The following CLASP1 variants were observed in gnomAD, a reference collection of about 807,000 sequenced individuals.
CLASP1 encodes cytoplasmic linker associated protein 1, also known as CLIP-associating protein 1.
CLASP1 carries 38 observed loss-of-function variants against 192.3 expected under a neutral mutation model. The ratio of observed to expected loss-of-function variants is 0.20; its 90% CI spans 0.15 to 0.26. CLASP1 has a LOEUF of 0.26. CLASP1 is among the 10% of genes least tolerant of loss of function. The pLI, the probability that CLASP1 is intolerant of heterozygous loss-of-function variation, is 1.00. For missense variants in CLASP1, 1,433 were observed against 1,932.5 expected, an observed-to-expected ratio of 0.74 and a Z score of 4.85; for synonymous variants, 691 against 712.8, an observed-to-expected ratio of 0.97 and a Z score of 0.49.
chr2:121,616,530 G>A (rs1409239123), intron 1 of CLASP1, among the ~76,000 whole-genome samples: 1 of 152,190 alleles, frequency 6.6e-6, no homozygotes, highest in Non-Finnish European at 1.5e-5. Flanking sequence ...GCCAGTTCTG[G>A]AAGAAGGTAT....
chr2:121,586,424 G>GC (rs1466005149), intron 2 of CLASP1, among the ~76,000 whole-genome samples: 1 of 152,052 alleles, frequency 6.6e-6, no homozygotes, highest in Non-Finnish European at 1.5e-5. Context: ...ACTGCACCTA[G>GC]CCCCTGTTCT....
chr2:121,505,792 T>A (rs1251208805), intron 7 of CLASP1, among the ~76,000 whole-genome samples: 1 of 152,174 alleles, frequency 6.6e-6, no homozygotes, highest in South Asian at 2.1e-4. Context: ...CATATTAAAC[T>A]CTTCAATCCA....
chr2:121,647,540 A>C (rs780567002), intron 1 of CLASP1, among the ~76,000 whole-genome samples: 1 of 152,134 alleles, frequency 6.6e-6, no homozygotes, highest in Non-Finnish European at 1.5e-5. Context: ...TCTGAACTAC[A>C]CTTAAAGAGA....
intron 24 of CLASP1, 136 bp from the exon 26 acceptor site, chr2:121,407,851 C>T (rs372156288): frequency 1.9e-6 from 2 of 1,038,368 alleles, no homozygotes; most frequent in South Asian, 1.3e-5. Context: ...TTTTCCTGTG[C>T]TTATAGATTA....
At chr2:121,437,974 C>T (rs762171457) in intron 19 of CLASP1, among the ~76,000 whole-genome samples, 11 of 152,148 alleles carry the variant, frequency 7.2e-5, no homozygotes, top group African/African-American at 9.7e-5. Context: ...TTAAAAAATG[C>T]GAGTTTATTT....
intron 2 of CLASP1, 78 bp from the exon 3 acceptor site, chr2:121,530,403 CTA>C (rs1169094842): frequency 8.5e-7 from 1 of 1,170,936 alleles, no homozygotes; most frequent in Non-Finnish European, 1.2e-6. Context: ...CCGGGGAGGC[CTA>C]GACATTTCCG....
At chr2:121,444,296 C>G (rs942678757) in intron 19 of CLASP1, among the ~76,000 whole-genome samples, 1 of 151,994 alleles carries the variant, frequency 6.6e-6, no homozygotes, top group Non-Finnish European at 1.5e-5. Context: ...TAGTACAGAA[C>G]ATGGCACATG....
At chr2:121,420,397 G>A (rs1378504105) in intron 22 of CLASP1, among the ~76,000 whole-genome samples, 3 of 152,082 alleles carry the variant, frequency 2.0e-5, no homozygotes, top group African/African-American at 7.2e-5. Flanking sequence ...CTACCAATAC[G>A]GACAACTTTC....
exon 2 of CLASP1, chr2:121,605,941 G>A (rs886309363): frequency 1.5e-5 from 23 of 1,561,542 alleles, no homozygotes; most frequent in Middle Eastern, 3.6e-4. Flanking sequence ...GGGCAGTCAC[G>A]ATGACTCCCT....
chr2:121,375,017 G>A (rs1435342383), intron 34 of CLASP1, among the ~76,000 whole-genome samples: 6 of 152,084 alleles, frequency 3.9e-5, no homozygotes, highest in African/African-American at 2.4e-5. Context: ...GGGAGGGGCC[G>A]GGGGTAGAAT....
chr2:121,498,912 A>G (rs1443140912), intron 8 of CLASP1, among the ~76,000 whole-genome samples: 1 of 152,226 alleles, frequency 6.6e-6, no homozygotes, highest in Non-Finnish European at 1.5e-5. Context: ...AAAAAGATAG[A>G]CAATGACAAT....
chr2:121,611,514 G>A (rs2065481187), intron 1 of CLASP1, among the ~76,000 whole-genome samples: 1 of 139,476 alleles, frequency 7.2e-6, no homozygotes. Flanking sequence ...AGGAACTGGA[G>A]GAGGAGGAGT....
chr2:121,470,038 A>T, intron 8 of CLASP1, 78 bp from the exon 9 acceptor site: 2 of 1,151,206 alleles, frequency 1.7e-6, no homozygotes, highest in Admixed American at 2.4e-5. Flanking sequence ...TTTTCACCTG[A>T]TTATAAAACA....
At chr2:121,524,459 C>CTT (rs869053129) in intron 6 of CLASP1, among the ~76,000 whole-genome samples, 2 of 142,008 alleles carry the variant, frequency 1.4e-5, no homozygotes, top group African/African-American at 5.2e-5. Context: ...ATATATTTTC[C>CTT]TTTTTTTTTT....
At chr2:121,509,563 C>T (rs531922033) in intron 7 of CLASP1, among the ~76,000 whole-genome samples, 4 of 152,180 alleles carry the variant, frequency 2.6e-5, no homozygotes, top group African/African-American at 9.7e-5. Flanking sequence ...TCAAGCCGGG[C>T]ACGGTGGACC....
At chr2:121,577,112 C>T (rs757408123) in intron 2 of CLASP1, among the ~76,000 whole-genome samples, 11 of 151,812 alleles carry the variant, frequency 7.2e-5, no homozygotes, top group Non-Finnish European at 1.3e-4. Context: ...GACTGGGGGG[C>T]AGCAGAGGGA....
chr2:121,356,584 C>T (rs2065432519), intron 37 of CLASP1, among the ~76,000 whole-genome samples: 1 of 152,168 alleles, frequency 6.6e-6, no homozygotes, highest in Non-Finnish European at 1.5e-5. Context: ...ATCAGTAAAA[C>T]GAAAGGGAGA....
chr2:121,359,148 T>C (rs1296871172), intron 37 of CLASP1, among the ~76,000 whole-genome samples: 1 of 152,268 alleles, frequency 6.6e-6, no homozygotes, highest in East Asian at 1.9e-4. Flanking sequence ...CAATGATTTA[T>C]AATTAGTATA....
intron 2 of CLASP1, among the ~76,000 whole-genome samples, chr2:121,544,439 C>CAAA (rs11293204): frequency 1.2e-5 from 1 of 80,674 alleles, no homozygotes; most frequent in East Asian, 3.3e-4. Context: ...AAAATATATA[C>CAAA]AAAAAAAAAA....
Sources: gnomAD v4.1 joint callset for allele counts (sites outside exome capture counted in the v4.1 genomes callset) on GRCh38, gnomAD v4.1.1 for gene constraint, MANE v1.5 for transcripts, NCBI Gene and HGNC (gene_info 2026-07-23, HGNC 2026-07-21) for gene names.